MAN2A1: variants seen among roughly 807,000 people sequenced by gnomAD.
MAN2A1 encodes the protein mannosidase alpha class 2A member 1, also known as alpha-mannosidase 2.
A neutral mutation model predicts 142.6 loss-of-function variants in MAN2A1; 76 were observed. The ratio of observed to expected loss-of-function variants is 0.53; its 90% CI spans 0.44 to 0.65. MAN2A1 has a LOEUF of 0.65. Ranked by LOEUF, MAN2A1 falls within the 30% of genes least tolerant of loss-of-function variation. The pLI is 0.00. For missense variants in MAN2A1, 1,311 were observed against 1,365.1 expected, an observed-to-expected ratio of 0.96 and a Z score of 0.62; for synonymous variants, 559 against 473.2, an observed-to-expected ratio of 1.18 and a Z score of -2.35.
At chr5:109,805,221 G>T (rs976885048) in intron 12 of MAN2A1, among the ~76,000 whole-genome samples, 6 of 151,970 alleles carry the variant, frequency 3.9e-5, no homozygotes, top group African/African-American at 1.4e-4. Flanking sequence ...ATTTGTGTTT[G>T]TTTTTGTTGC....
At chr5:109,744,969 C>T (rs1179436896) in intron 4 of MAN2A1, among the ~76,000 whole-genome samples, 1 of 152,084 alleles carries the variant, frequency 6.6e-6, no homozygotes, top group Non-Finnish European at 1.5e-5. Flanking sequence ...ATGGATGAGT[C>T]TCACAAATGT....
intron 5 of MAN2A1, 71 bp downstream of exon 5, chr5:109,755,527 G>A (rs1343562276): frequency 8.1e-7 from 1 of 1,233,126 alleles, no homozygotes; most frequent in African/African-American, 1.5e-5. Context: ...GTGAGGCTCT[G>A]TTCTTTTTTC....
At chr5:109,704,926 C>T (rs942454605) in intron 1 of MAN2A1, among the ~76,000 whole-genome samples, 2 of 152,066 alleles carry the variant, frequency 1.3e-5, no homozygotes, top group Non-Finnish European at 2.9e-5. Flanking sequence ...TTATTCTGGC[C>T]ACTCAAGTTT....
chr5:109,727,325 C>T (rs1297975388), intron 3 of MAN2A1, among the ~76,000 whole-genome samples: 1 of 152,058 alleles, frequency 6.6e-6, no homozygotes, highest in Non-Finnish European at 1.5e-5. Flanking sequence ...CTGTCTTCTC[C>T]TTGTGTCTTT....
Position 109,820,297 on chromosome 5 carries a change from A to G in MAN2A1, c.2406A>G (p.Arg802=). Residue 802 remains arginine, a synonymous_variant, in exon 15 of 22, where the codon AGA becomes AGG. Coordinates refer to ENST00000261483, the MANE Select transcript of MAN2A1 (RefSeq NM_002372.4). ...QFSWYGTTIK[R]DKSGAYLFLP... ...CATGGTATGGAACCACAATTAAAAG[A>G]GACAAAAGTGGTGCCTACCTCTTCT... is the stretch of plus-strand genomic sequence containing the variant. 6.2e-7 allele frequency: 1 copy of G among 1,613,146 alleles called. No individual in the cohort carries two copies. Among genetic ancestry groups the G allele is most frequent in the South Asian group, 1.1e-5 (1 of 91,046 alleles).
intron 12 of MAN2A1, among the ~76,000 whole-genome samples, chr5:109,805,918 G>A (rs1754151785): frequency 6.6e-6 from 1 of 152,134 alleles, no homozygotes; most frequent in Admixed American, 6.6e-5. Context: ...GACCTATTAT[G>A]TAGCAAATTT....
At chr5:109,767,833 G>T in intron 6 of MAN2A1, 125 bp downstream of exon 6, 1 of 704,408 alleles carries the variant, frequency 1.4e-6, no homozygotes, top group East Asian at 2.6e-5. Flanking sequence ...CCTAAAGATA[G>T]TCACTCTCGT....
rs1312003718 is a variant in MAN2A1 at position 109,755,407 on chromosome 5, C to T, written c.786C>T (p.Ala262=). ...MPDEATPHYF[A]LIDQLIEGHQ... is the part of the protein sequence containing the mutation. ...ATGAAGCTACTCCACATTATTTTGC[C>T]TTAATTGATCAACTAATTGAAGGAC... Residue 262 remains alanine, a synonymous_variant, in exon 5 of 22, where the codon GCC becomes GCT. Transcript: ENST00000261483. The T allele has an allele frequency of 1.1e-5, 17 of 1,611,028 alleles. No individual in the cohort carries two copies. The highest frequency in any genetic ancestry group is 1.4e-5 in the Non-Finnish European group (17 of 1,177,434).
intron 12 of MAN2A1, among the ~76,000 whole-genome samples, chr5:109,793,779 A>C (rs1388402045): frequency 1.3e-5 from 2 of 152,210 alleles, no homozygotes; most frequent in East Asian, 3.8e-4. Context: ...GAATGTTCAG[A>C]ATGGATGGAT....
At chr5:109,745,378 G>A (rs1398328161) in intron 4 of MAN2A1, among the ~76,000 whole-genome samples, 1 of 152,090 alleles carries the variant, frequency 6.6e-6, no homozygotes. Context: ...ATAATGTTAA[G>A]TAAATTAACT....
At chr5:109,743,449 G>C (rs1163116832) in intron 4 of MAN2A1, among the ~76,000 whole-genome samples, 1 of 152,124 alleles carries the variant, frequency 6.6e-6, no homozygotes, top group Non-Finnish European at 1.5e-5. Flanking sequence ...TTCTCCTGTT[G>C]AGGAATCTGA....
intron 4 of MAN2A1, among the ~76,000 whole-genome samples, chr5:109,730,008 A>G (rs751689374): frequency 4.6e-5 from 7 of 152,058 alleles, no homozygotes; most frequent in Admixed American, 2.6e-4. Context: ...AAAAAATCCT[A>G]TGTTACAACT....
Position 109,847,737 on chromosome 5 carries a change from A to G in MAN2A1, c.2923A>G (p.Ile975Val). The G allele has an allele frequency of 6.2e-7, 1 of 1,600,846 alleles. No individual in the cohort carries two copies. The highest frequency in any genetic ancestry group is 2.3e-5 in the East Asian group (1 of 43,886). Residue 975 changes from isoleucine (I) to valine (V), a missense_variant, in exon 19 of 22, where the codon ATT (isoleucine) becomes GTT (valine). Physicochemically the swap from Ile to Val is conservative, Grantham distance 29. Coordinates refer to ENST00000261483, the MANE Select transcript of MAN2A1 (RefSeq NM_002372.4). ...TGAGCAAGGTATCCAGGATAACAAGATTACAGCTAATCTATTTCGAATACT... is the reference window on the plus strand; with the variant it reads ...TGAGCAAGGTATCCAGGATAACAAGGTTACAGCTAATCTATTTCGAATACT... ...GLEQGIQDNKITANLFRILLE... is the reference protein window; with the variant it reads ...GLEQGIQDNKVTANLFRILLE...
chr5:109,833,118 C>T (rs917858205), intron 16 of MAN2A1, among the ~76,000 whole-genome samples: 1 of 149,248 alleles, frequency 6.7e-6, no homozygotes, highest in Non-Finnish European at 1.5e-5. Flanking sequence ...GATGGGTGGC[C>T]GGGCAGAGAC....
At chr5:109,698,958 C>T (rs1750894130) in intron 1 of MAN2A1, among the ~76,000 whole-genome samples, 1 of 151,980 alleles carries the variant, frequency 6.6e-6, no homozygotes. Flanking sequence ...TATGCATATA[C>T]CTCTGTTTTG....
chr5:109,721,828 G>A (rs1751611907), intron 3 of MAN2A1, among the ~76,000 whole-genome samples: 1 of 152,074 alleles, frequency 6.6e-6, no homozygotes, highest in South Asian at 2.1e-4. Flanking sequence ...TTCAAGCCTG[G>A]GTGCTTCAAA....
At chr5:109,792,430 A>G (rs984280064) in intron 12 of MAN2A1, among the ~76,000 whole-genome samples, 5 of 151,918 alleles carry the variant, frequency 3.3e-5, no homozygotes, top group African/African-American at 4.8e-5. Flanking sequence ...TCAATTTCCT[A>G]TGCCCCTTAT....
At chr5:109,708,185 A>G (rs773150984) in intron 1 of MAN2A1, among the ~76,000 whole-genome samples, 4 of 152,168 alleles carry the variant, frequency 2.6e-5, no homozygotes, top group Non-Finnish European at 4.4e-5. Flanking sequence ...ATTGGGAATG[A>G]GTAAAGAAAA....
chr5:109,738,988 G>T (rs972481615), intron 4 of MAN2A1, among the ~76,000 whole-genome samples: 1 of 151,870 alleles, frequency 6.6e-6, no homozygotes, highest in African/African-American at 2.4e-5. Flanking sequence ...GACTACAGGC[G>T]CACACCACCA....
Sources: allele counts gnomAD v4.1 joint callset (sites outside exome capture counted in the v4.1 genomes callset), GRCh38; gene constraint gnomAD v4.1.1; transcripts MANE v1.5; gene names NCBI Gene and HGNC (gene_info 2026-07-23, HGNC 2026-07-21).